The following SBF2 variants were observed in gnomAD, a reference collection of about 807,000 sequenced individuals.
SBF2 encodes myotubularin-related protein 13.
In SBF2, 112 loss-of-function variants were observed where a neutral mutation model predicts 225.2. The observed-to-expected ratio is 0.50, with a 90% CI of 0.43 to 0.58. SBF2 has a LOEUF of 0.58. Ranked by LOEUF, SBF2 falls within the 20% of genes least tolerant of loss-of-function variation. SBF2 has a pLI of 0.00. For missense variants in SBF2, 1,996 were observed against 2,206.2 expected, an observed-to-expected ratio of 0.90 and a Z score of 1.91; for synonymous variants, 763 against 773.3, an observed-to-expected ratio of 0.99 and a Z score of 0.22.
At chr11:10,244,764 A>C (rs1171884614) in intron 1 of SBF2, among the ~76,000 whole-genome samples, 1 of 152,186 alleles carries the variant, frequency 6.6e-6, no homozygotes, top group Non-Finnish European at 1.5e-5. Context: ...AATACCTGCA[A>C]ACTATACAAC....
intron 1 of SBF2, among the ~76,000 whole-genome samples, chr11:10,291,488 T>A (rs571831670): frequency 6.6e-6 from 1 of 152,314 alleles, no homozygotes; most frequent in African/African-American, 2.4e-5. Context: ...CCGAATGGAC[T>A]AAGGCAAATA....
chr11:10,011,364 C>T (rs1332063595), intron 6 of SBF2, among the ~76,000 whole-genome samples: 1 of 152,070 alleles, frequency 6.6e-6, no homozygotes, highest in Non-Finnish European at 1.5e-5. Context: ...GTAGCTGGGA[C>T]CATAGGTGTA....
chr11:9,848,308 T>A (rs976919082), intron 22 of SBF2, among the ~76,000 whole-genome samples: 2 of 152,204 alleles, frequency 1.3e-5, no homozygotes, highest in African/African-American at 2.4e-5. Flanking sequence ...CCTACATTTA[T>A]ATAACATGTA....
intron 1 of SBF2, among the ~76,000 whole-genome samples, chr11:10,288,278 G>A (rs1341506064): frequency 2.0e-5 from 3 of 152,160 alleles, no homozygotes; most frequent in African/African-American, 7.2e-5. Flanking sequence ...CTGTGACCAG[G>A]AAGAATGAGG....
At chr11:9,932,396 C>T (rs1386211845) in intron 16 of SBF2, among the ~76,000 whole-genome samples, 2 of 152,112 alleles carry the variant, frequency 1.3e-5, no homozygotes, top group Non-Finnish European at 2.9e-5. Flanking sequence ...GTCAGGTTAC[C>T]CACAAAGGGA....
At chr11:10,251,738 T>C (rs1591307901) in intron 1 of SBF2, among the ~76,000 whole-genome samples, 1 of 151,870 alleles carries the variant, frequency 6.6e-6, no homozygotes, top group Admixed American at 6.5e-5. Context: ...CATGCAGCCA[T>C]ACCTAGAATG....
chr11:9,876,085 G>A (rs116373961), intron 17 of SBF2, among the ~76,000 whole-genome samples: 2 of 152,200 alleles, frequency 1.3e-5, no homozygotes, highest in African/African-American at 4.8e-5. Flanking sequence ...GGTATTAAAC[G>A]ATCTGGTCAC....
At chr11:10,194,133 T>C (rs1356040874) in intron 1 of SBF2, 146 bp from the exon 2 acceptor site, 1 of 697,696 alleles carries the variant, frequency 1.4e-6, no homozygotes. Flanking sequence ...AACATGTGAG[T>C]ATGCATCATC....
At chr11:10,191,210 C>T (rs1043600017) in intron 2 of SBF2, among the ~76,000 whole-genome samples, 2 of 152,074 alleles carry the variant, frequency 1.3e-5, no homozygotes, top group African/African-American at 4.8e-5. Flanking sequence ...AAACAACAAA[C>T]CACTTAAGGA....
chr11:10,074,791 C>T (rs1047526221), intron 2 of SBF2, among the ~76,000 whole-genome samples: 1 of 152,134 alleles, frequency 6.6e-6, no homozygotes, highest in African/African-American at 2.4e-5. Flanking sequence ...GTTTATCCAT[C>T]TGAAAAGAGA....
At chr11:10,081,835 G>T (rs1565209063) in intron 2 of SBF2, among the ~76,000 whole-genome samples, 1 of 148,940 alleles carries the variant, frequency 6.7e-6, no homozygotes, top group South Asian at 2.1e-4. Context: ...AGAAAACCAA[G>T]AACAAACCAA....
intron 6 of SBF2, among the ~76,000 whole-genome samples, chr11:10,004,088 T>C (rs181989045): frequency 1.1e-4 from 17 of 152,322 alleles, no homozygotes; most frequent in Admixed American, 3.3e-4. Context: ...CAGATTTTAA[T>C]CTTCATTCAT....
At chr11:10,008,378 C>G (rs1404107264) in intron 6 of SBF2, among the ~76,000 whole-genome samples, 1 of 152,162 alleles carries the variant, frequency 6.6e-6, no homozygotes, top group African/African-American at 2.4e-5. Flanking sequence ...CCCAGATATT[C>G]AGAGGAAACT....
intron 2 of SBF2, among the ~76,000 whole-genome samples, chr11:10,146,780 C>T (rs920654404): frequency 1.3e-5 from 2 of 151,932 alleles, no homozygotes; most frequent in African/African-American, 2.4e-5. Flanking sequence ...ACAGAGTAAA[C>T]GACAACCTAC....
At chr11:10,014,867 T>C (rs987566129) in intron 6 of SBF2, among the ~76,000 whole-genome samples, 2 of 152,108 alleles carry the variant, frequency 1.3e-5, no homozygotes, top group Non-Finnish European at 2.9e-5. Context: ...CAGTGGCTCA[T>C]GCCTGTAATC....
chr11:9,858,943 C>T (rs1857515822), intron 17 of SBF2, among the ~76,000 whole-genome samples: 3 of 152,162 alleles, frequency 2.0e-5, no homozygotes, highest in African/African-American at 7.2e-5. Flanking sequence ...AAAGCTGTTG[C>T]CTGGCTCACA....
At chr11:9,959,650 T>C in intron 16 of SBF2, 1 of 749,984 alleles carries the variant, frequency 1.3e-6, no homozygotes, top group Middle Eastern at 2.5e-4. Context: ...TCCACACGCT[T>C]GGGTTCACTT....
At chr11:10,208,862 T>C (rs1236036241) in intron 1 of SBF2, among the ~76,000 whole-genome samples, 2 of 152,136 alleles carry the variant, frequency 1.3e-5, no homozygotes, top group African/African-American at 2.4e-5. Context: ...CTCTATGACT[T>C]AACTGTACCA....
chr11:10,293,965 G>T, intron 1 of SBF2, 50 bp downstream of exon 1: 2 of 1,234,722 alleles, frequency 1.6e-6, no homozygotes, highest in Non-Finnish European at 2.1e-6. Flanking sequence ...CCACTGGACA[G>T]CGGCCGGGGG....
Sources: allele counts gnomAD v4.1 joint callset (sites outside exome capture counted in the v4.1 genomes callset), GRCh38; gene constraint gnomAD v4.1.1; transcripts MANE v1.5; gene names NCBI Gene and HGNC (gene_info 2026-07-23, HGNC 2026-07-21).